Variants in ZNF496 observed in about 807,000 individuals in gnomAD.
ZNF496 encodes NSD1 (nuclear receptor binding SET-domain containing 1)-interacting zinc finger protein 1.
ZNF496 carries 11 observed loss-of-function variants against 58.9 expected under a neutral mutation model. The observed-to-expected ratio is 0.19, with a 90% CI of 0.12 to 0.31. The LOEUF (loss-of-function observed/expected upper bound fraction) is 0.31. Ranked by LOEUF, ZNF496 falls within the 10% of genes least tolerant of loss-of-function variation. ZNF496 has a pLI of 1.00. For synonymous variants in ZNF496, 338 were observed against 318.2 expected, an observed-to-expected ratio of 1.06 and a Z score of -0.66; for missense variants, 660 against 783.0, an observed-to-expected ratio of 0.84 and a Z score of 1.88.
At chr1:247,323,839 ATG>A (rs1201947481) in intron 5 of ZNF496, among the ~76,000 whole-genome samples, 1 of 151,852 alleles carries the variant, frequency 6.6e-6, no homozygotes. Context: ...TAGGGTCTGG[ATG>A]TGGTGGCTCA....
At position 247,309,643 on chromosome 1, in the gene ZNF496, G is replaced by T; in HGVS notation, c.892+56C>A. Reference sequence around the variant, plus strand: ...AAGCCAGAGAGTGGGCTCACCTCCGGCTGCCAGCAACCCTTCCCCCTACTC... The same window carrying T: ...AAGCCAGAGAGTGGGCTCACCTCCGTCTGCCAGCAACCCTTCCCCCTACTC... On this transcript the variant is annotated intron_variant, in intron 8 of 9. Transcript: ENST00000682384. This position sits in a 1 kb window ranked among gnomAD's most constrained non-coding sequence, Gnocchi z 4.3. 6.2e-7 allele frequency: 1 copy of T among 1,602,710 alleles called. No individual in the cohort carries two copies. Among genetic ancestry groups the T allele is most frequent in the East Asian group, 2.2e-5 (1 of 44,644 alleles).
In ZNF496 at chr1:247,308,086, G is replaced by T; in HGVS notation, c.1006+389C>A. The T allele has an allele frequency of 1.1e-6, 1 of 916,504 alleles. No individual in the cohort carries two copies. The highest frequency in any genetic ancestry group is 5.0e-5 in the South Asian group (1 of 19,928). 56.8% of individuals were successfully genotyped at this position (916,504 alleles called of 1,614,324 possible). ...CAGCACTACAGCAGCACCCTGCTTT[G>T]ACACACCCTCCCCGGCCCCTGGGAA... On this transcript the variant is annotated intron_variant, in intron 9 of 9. Coordinates refer to ENST00000682384, the MANE Select transcript of ZNF496 (RefSeq NM_032752.3). This position sits in a 1 kb window ranked among gnomAD's most constrained non-coding sequence, Gnocchi z 4.5.
chr1:247,300,137 G>A lies in ZNF496; in HGVS notation c.*382C>T, dbSNP rs1180083398. On this transcript the variant is annotated 3_prime_UTR_variant, in exon 10 of 10. Transcript: ENST00000682384. The surrounding 1 kb of genome is among the most constrained non-coding windows in gnomAD (Gnocchi z 5.7). ...ATCCTAGCGTTCAGACAGGGAAGGAGGGGAGGGAGTATACTGAGGTTTGGC... is the reference window on the plus strand; with the variant it reads ...ATCCTAGCGTTCAGACAGGGAAGGAAGGGAGGGAGTATACTGAGGTTTGGC... 5.9e-6 allele frequency: 1 copy of A among 170,592 alleles called. No homozygotes were observed. Among genetic ancestry groups the A allele is most frequent in the Non-Finnish European group, 1.2e-5 (1 of 80,398 alleles). The allele number at this position is 170,592 out of a possible 1,614,324, so 10.6% of individuals were successfully genotyped here.
At position 247,308,875 on chromosome 1, in the gene ZNF496, A is replaced by AT. The variant is rs1440503917; in HGVS notation, c.893-288dup. On this transcript the variant is annotated intron_variant, in intron 8 of 9. Coordinates refer to ENST00000682384, the MANE Select transcript of ZNF496 (RefSeq NM_032752.3). The surrounding 1 kb of genome is among the most constrained non-coding windows in gnomAD (Gnocchi z 4.5). The stretch of plus-strand genomic sequence containing the variant: ...AGAGACAAGCACTTCCCCCAGCCCC[A>AT]TATTTATTCCCACTTTCTGTGGTGG... 1.8e-5 allele frequency: 7 copies of AT among 391,524 alleles called. No individual in the cohort carries two copies. Among genetic ancestry groups the AT allele is most frequent in the Non-Finnish European group, 3.4e-5 (7 of 207,128 alleles). 24.3% of individuals were successfully genotyped at this position (391,524 alleles called of 1,614,324 possible).
chr1:247,304,737 T>G (rs1219430555), intron 9 of ZNF496, among the ~76,000 whole-genome samples: 2 of 152,198 alleles, frequency 1.3e-5, no homozygotes, highest in African/African-American at 4.8e-5. Flanking sequence ...GATTTCTCTA[T>G]TTTGGAATGA....
At chr1:247,301,582 C>T (rs1425834160) in intron 9 of ZNF496, among the ~76,000 whole-genome samples, 6 of 152,180 alleles carry the variant, frequency 3.9e-5, no homozygotes. Flanking sequence ...ACCCCATCCC[C>T]CCAAGCTCTA....
intron 6 of ZNF496, among the ~76,000 whole-genome samples, chr1:247,317,624 C>T (rs1288717217): frequency 6.6e-6 from 1 of 152,184 alleles, no homozygotes; most frequent in Admixed American, 6.5e-5. Context: ...TCCACTCCCA[C>T]TCGGGTGTAT....
In ZNF496 at chr1:247,300,600, G is replaced by A; in HGVS notation, c.1683C>T (p.Ser561=). ...RPFQCRYCVK[S]FTQNYDLLRH... Reference sequence around the variant, plus strand: ...GGAGGAGGTCATAGTTCTGCGTGAAGCTCTTGACGCAGTACCGGCACTGGA... The same window carrying A: ...GGAGGAGGTCATAGTTCTGCGTGAAACTCTTGACGCAGTACCGGCACTGGA... Residue 561 remains serine (S), a synonymous_variant, in exon 10 of 10, where the codon AGC becomes AGT. Transcript: ENST00000682384. This position sits in a 1 kb window ranked among gnomAD's most constrained non-coding sequence, Gnocchi z 5.7. 1 of 1,614,146 alleles carries A rather than the reference G, an allele frequency of 6.2e-7. No homozygotes were observed. Among genetic ancestry groups the A allele is most frequent in the Non-Finnish European group, 8.5e-7 (1 of 1,180,022 alleles).
Position 247,298,105 on chromosome 1 carries a change from A to T in ZNF496, c.*2414T>A, listed in dbSNP as rs375835842. On this transcript the variant is annotated 3_prime_UTR_variant, in exon 10 of 10. Transcript: ENST00000682384. ...ACAGAGAGCCTGGCTTCTACTTGGA[A>T]TTTTCCCCTCCCTTGGCCTTAAAAA... The T allele has an allele frequency of 5.3e-5, 8 of 151,714 alleles. No individual in the cohort carries two copies. Among genetic ancestry groups the T allele is most frequent in the Middle Eastern group, 3.4e-3 (1 of 294 alleles). 9.4% of individuals were successfully genotyped at this position (151,714 alleles called of 1,614,324 possible). A position where few individuals can be genotyped will look rare whatever the true frequency, so the allele number is the denominator to read the frequency against.
chr1:247,301,976 G>A (rs112310657), intron 9 of ZNF496, among the ~76,000 whole-genome samples: 1,925 of 152,292 alleles, frequency 0.013, 38 homozygotes, highest in African/African-American at 0.042. Context: ...CACAGGTGGT[G>A]ATGGATAAAG....
At chr1:247,326,095 CACATATATAT>C (rs1212037001) in intron 5 of ZNF496, among the ~76,000 whole-genome samples, 1 of 150,092 alleles carries the variant, frequency 6.7e-6, no homozygotes, top group African/African-American at 2.5e-5. Flanking sequence ...TATATACACA[CACATATATAT>C]ACACACACAT....
At chr1:247,307,555 G>A (rs546274157) in intron 9 of ZNF496, 2 of 985,388 alleles carry the variant, frequency 2.0e-6, no homozygotes, top group East Asian at 2.3e-4. Context: ...GCAGAGGTGG[G>A]CTTCTTAGAA....
At chr1:247,302,163 G>A (rs959892966) in intron 9 of ZNF496, among the ~76,000 whole-genome samples, 3 of 152,156 alleles carry the variant, frequency 2.0e-5, no homozygotes, top group South Asian at 4.1e-4. Context: ...CTAGAACTTG[G>A]GGGGAGTGAA....
rs577955613 is a variant in ZNF496, at chr1:247,308,507, G to T, written c.974C>A (p.Pro325Gln). The T allele has an allele frequency of 4.3e-6, 7 of 1,614,048 alleles. No homozygotes were observed. Among genetic ancestry groups the T allele is most frequent in the Non-Finnish European group, 5.9e-6 (7 of 1,179,990 alleles). ...ELQVPEFQACPQTVVPQNTYP... is the reference protein window; with the variant it reads ...ELQVPEFQACQQTVVPQNTYP... ...GGTGTTTTGAGGCACCACCGTCTGT[G>T]GGCAGGCCTGGAACTCTGGCACCTG... Residue 325 changes from proline (P) to glutamine (Q), a missense_variant, in exon 9 of 10, where the codon CCA becomes CAA. Coordinates refer to ENST00000682384, the MANE Select transcript of ZNF496 (RefSeq NM_032752.3). This position sits in a 1 kb window ranked among gnomAD's most constrained non-coding sequence, Gnocchi z 4.5.
At chr1:247,330,577 C>T (rs1314237834) in intron 2 of ZNF496, among the ~76,000 whole-genome samples, 1 of 152,230 alleles carries the variant, frequency 6.6e-6, no homozygotes, top group East Asian at 1.9e-4. Flanking sequence ...ACACTTTTGC[C>T]ACAACTAGGG....
At chr1:247,325,671 A>G (rs1660096811) in intron 5 of ZNF496, among the ~76,000 whole-genome samples, 1 of 151,940 alleles carries the variant, frequency 6.6e-6, no homozygotes, top group African/African-American at 2.4e-5. Context: ...GGGGTGTTTT[A>G]TTTTTTAGAG....
At chr1:247,317,749 AAAC>A (rs1286382971) in intron 6 of ZNF496, among the ~76,000 whole-genome samples, 1 of 152,236 alleles carries the variant, frequency 6.6e-6, no homozygotes, top group Non-Finnish European at 1.5e-5. Flanking sequence ...GCTATGTCAA[AAAC>A]AACACTGCAC....
intron 6 of ZNF496, among the ~76,000 whole-genome samples, chr1:247,315,922 C>A (rs1473882443): frequency 6.6e-6 from 1 of 152,124 alleles, no homozygotes; most frequent in Admixed American, 6.6e-5. Context: ...CTAAGTGGAT[C>A]TGCTGCTCGG....
rs187150268 is a variant in ZNF496, at chr1:247,314,602, G to C, written c.652-4146C>G. 5.9e-5 allele frequency among the ~76,000 whole-genome samples: 9 copies of C among 152,230 alleles called. No individual in the cohort carries two copies. The East Asian group carries it at 7.7e-4, about 13-fold the overall frequency. ...GGACTTTTATATTACTAGTATCTAT[G>C]TGACAAGCAAAAAAGGAACAGAATA... is the stretch of plus-strand genomic sequence containing the variant. On this transcript the variant is annotated intron_variant, in intron 6 of 9. Coordinates refer to ENST00000682384, the MANE Select transcript of ZNF496 (RefSeq NM_032752.3).
Sources: gnomAD v4.1 joint callset for allele counts (sites outside exome capture counted in the v4.1 genomes callset) on GRCh38, gnomAD v4.1.1 for gene constraint, Gnocchi (gnomAD v3.1) non-coding constraint, MANE v1.5 for transcripts, NCBI Gene and HGNC (gene_info 2026-07-23, HGNC 2026-07-21) for gene names.